HMGCS1: variants seen among roughly 807,000 people sequenced by gnomAD.
The protein encoded by HMGCS1 is hydroxymethylglutaryl-CoA synthase, cytoplasmic.
In HMGCS1, 9 loss-of-function variants were observed where a neutral mutation model predicts 52.3. That is an observed-to-expected ratio of 0.17 (90% CI 0.10 to 0.30). The LOEUF is 0.30. HMGCS1 is among the 10% of genes least tolerant of loss of function. The probability of loss-of-function intolerance (pLI) is 1.00; values close to 1 mark genes in which losing one functional copy is unlikely to be tolerated. For missense variants in HMGCS1, 320 were observed against 620.9 expected (o/e 0.52, Z 5.15); for synonymous variants, 176 against 214.4 (o/e 0.82, Z 1.57).
chr5:43,312,459 C>A (rs1376395276), intron 1 of HMGCS1, among the ~76,000 whole-genome samples: 3 of 152,220 alleles, frequency 2.0e-5, no homozygotes, highest in Non-Finnish European at 2.9e-5. Flanking sequence ...ATCCCTCCTC[C>A]AGAGTGGATC....
At chr5:43,291,264 C>T (rs766193052) in intron 10 of HMGCS1, 44 bp from the exon 11 acceptor site, 2 of 1,182,858 alleles carry the variant, frequency 1.7e-6, no homozygotes, top group Admixed American at 3.4e-5. Context: ...TGATTCTTTC[C>T]CCCACAAGAA....
chr5:43,293,786 TCAC>T (rs1438275234), intron 8 of HMGCS1: 2 of 263,144 alleles, frequency 7.6e-6, no homozygotes, highest in African/African-American at 2.3e-5. Flanking sequence ...TGATCTTGGC[TCAC>T]CACAACCTCC....
chr5:43,294,412 C>T (rs1561111359), intron 7 of HMGCS1: 1 of 515,088 alleles, frequency 1.9e-6, no homozygotes, highest in East Asian at 3.2e-5. Context: ...AAACAAGTTA[C>T]TTCATCAACC....
intron 2 of HMGCS1, among the ~76,000 whole-genome samples, chr5:43,301,657 C>T (rs945236422): frequency 6.6e-6 from 1 of 152,154 alleles, no homozygotes; most frequent in African/African-American, 2.4e-5. Flanking sequence ...CTGTTTTATC[C>T]TCACTAATGC....
At chr5:43,297,263 A>G in intron 4 of HMGCS1, 97 bp from the exon 5 acceptor site, 2 of 983,170 alleles carry the variant, frequency 2.0e-6, no homozygotes, top group African/African-American at 1.6e-5. Flanking sequence ...TTCCTTAACT[A>G]TCTGATCAAT....
chr5:43,306,283 A>G lies in HMGCS1; in HGVS notation c.-11+1483T>C, dbSNP rs117826500. 7.2e-5 allele frequency among the ~76,000 whole-genome samples: 11 copies of G among 152,328 alleles called. No individual in the cohort carries two copies. In the East Asian group the frequency reaches 2.1e-3, roughly 29 times the overall value. Reference sequence around the variant, plus strand: ...AGTTATTCTGAGAATAAATCTGGAAATGAAAGAGAACTGGAAAGGGGAAAA... The same window carrying G: ...AGTTATTCTGAGAATAAATCTGGAAGTGAAAGAGAACTGGAAAGGGGAAAA... On this transcript the variant is annotated intron_variant, in intron 2 of 10. Transcript: ENST00000325110.
intron 1 of HMGCS1, among the ~76,000 whole-genome samples, chr5:43,311,400 C>T (rs1243523617): frequency 1.3e-5 from 2 of 151,830 alleles, no homozygotes; most frequent in East Asian, 3.9e-4. Context: ...TCTATACTAC[C>T]TTCTTGAAAA....
In HMGCS1 at chr5:43,291,264, C is replaced by A. The variant is rs766193052; in HGVS notation, c.1474-44G>T. 1.3e-5 allele frequency: 15 copies of A among 1,182,858 alleles called. No individual in the cohort carries two copies. In the South Asian group the frequency reaches 1.7e-4, roughly 13 times the overall value. The allele number at this position is 1,182,858 out of a possible 1,614,324, so 73.3% of individuals were successfully genotyped here. A position where few individuals can be genotyped will look rare whatever the true frequency, so the allele number is the denominator to read the frequency against. ...AGTTGATGGCTCTTATGATTCTTTCCCCCACAAGAATCATGGCACCAATTA... is the reference window on the plus strand; with the variant it reads ...AGTTGATGGCTCTTATGATTCTTTCACCCACAAGAATCATGGCACCAATTA... On this transcript the variant is annotated intron_variant, in intron 10 of 10. Coordinates refer to ENST00000325110, the MANE Select transcript of HMGCS1 (RefSeq NM_001098272.3).
At position 43,298,515 on chromosome 5, in the gene HMGCS1, T is replaced by C. The variant is rs1267806846; in HGVS notation, c.448+3A>G. The C allele has an allele frequency of 6.2e-7, 1 of 1,608,880 alleles. No homozygotes were observed. Among genetic ancestry groups the C allele is most frequent in the Non-Finnish European group, 8.5e-7 (1 of 1,175,996 alleles). On this transcript the variant is annotated splice_donor_region_variant and intron_variant, in intron 3 of 10. Transcript: ENST00000325110. This position sits in a 1 kb window ranked among gnomAD's most constrained non-coding sequence, Gnocchi z 5.6. ...GACGGCGGGGAATAGGCATGTAACA[T>C]ACCATCCCAAGAGCTGGACTCAATC...
chr5:43,309,843 T>G (rs796606715), intron 1 of HMGCS1, among the ~76,000 whole-genome samples: 1 of 152,152 alleles, frequency 6.6e-6, no homozygotes, highest in East Asian at 1.9e-4. Flanking sequence ...TATAGGCACT[T>G]TGAGTCTGGC....
chr5:43,308,929 T>C (rs1413194447), intron 1 of HMGCS1, among the ~76,000 whole-genome samples: 1 of 152,214 alleles, frequency 6.6e-6, no homozygotes, highest in Non-Finnish European at 1.5e-5. Context: ...ATCTTGAGTT[T>C]TGTAGGCAAA....
chr5:43,309,110 C>T (rs1754725852), intron 1 of HMGCS1, among the ~76,000 whole-genome samples: 2 of 151,846 alleles, frequency 1.3e-5, no homozygotes, highest in African/African-American at 2.4e-5. Flanking sequence ...CATGTTAAGA[C>T]TACTTAAATA....
In HMGCS1 at chr5:43,300,867, A is replaced by G. The variant is rs116187649; in HGVS notation, c.-10-1892T>C. 3.7e-3 allele frequency among the ~76,000 whole-genome samples: 565 copies of G among 152,108 alleles called. 7 individuals are homozygous for G. The highest frequency in any genetic ancestry group is 0.013 in the African/African-American group (550 of 41,502). On this transcript the variant is annotated intron_variant, in intron 2 of 10. Coordinates refer to ENST00000325110, the MANE Select transcript of HMGCS1 (RefSeq NM_001098272.3). ...GTTGTATCTTCCTTCCAAACAGAAG[A>G]ATCTTTTTTTTTTCTCATTCATCCA...
At chr5:43,296,640 T>C (rs1754044200) in intron 5 of HMGCS1, among the ~76,000 whole-genome samples, 1 of 152,222 alleles carries the variant, frequency 6.6e-6, no homozygotes. Context: ...AAGATCACTT[T>C]AGTAATTCAT....
In HMGCS1 at chr5:43,292,630, A is replaced by G; in HGVS notation, c.1317T>C (p.Tyr439=). 1 of 1,611,220 alleles carries G rather than the reference A, an allele frequency of 6.2e-7. No homozygotes were observed. Among genetic ancestry groups the G allele is most frequent in the Admixed American group, 1.7e-5 (1 of 59,932 alleles). The change falls in exon 10 of 11, where the codon TAT becomes TAC. Residue 439 remains tyrosine (Y), a synonymous_variant. Coordinates refer to ENST00000325110, the MANE Select transcript of HMGCS1 (RefSeq NM_001098272.3). ...GTGAATCTATTGAACCCTGGGGAATATAGTTGACTAAAGGAAAGGGAGAGA... is the reference window on the plus strand; with the variant it reads ...GTGAATCTATTGAACCCTGGGGAATGTAGTTGACTAAAGGAAAGGGAGAGA... ...LREDTHHLVN[Y]IPQGSIDSLF...
chr5:43,294,624 T>G, intron 7 of HMGCS1, 67 bp downstream of exon 7: 1 of 1,212,956 alleles, frequency 8.2e-7, no homozygotes, highest in Non-Finnish European at 1.2e-6. Context: ...TGACACTAGA[T>G]TTGGTCTTAG....
chr5:43,303,241 T>C (rs1388147229), intron 2 of HMGCS1, among the ~76,000 whole-genome samples: 1 of 152,258 alleles, frequency 6.6e-6, no homozygotes, highest in Non-Finnish European at 1.5e-5. Flanking sequence ...CAAATTCATA[T>C]GTTGAAGCCT....
At chr5:43,296,432 G>A (rs1754036385) in intron 5 of HMGCS1, among the ~76,000 whole-genome samples, 1 of 152,156 alleles carries the variant, frequency 6.6e-6, no homozygotes, top group Non-Finnish European at 1.5e-5. Context: ...CATTGAATAT[G>A]ATTTTTAACC....
rs1465451072 is a variant in HMGCS1 at position 43,298,954 on chromosome 5, T to C, written c.12A>G (p.Ser4=). 1.2e-6 allele frequency: 2 copies of C among 1,611,802 alleles called. No homozygotes were observed. The highest frequency in any genetic ancestry group is 1.7e-6 in the Non-Finnish European group (2 of 1,178,844). The part of the protein sequence containing the change: MPG[S]LPLNAEACWP... ...AGCAAGCTTCTGCATTCAAAGGAAG[T>C]GATCCAGGCATGGTGAAAGAGCTTT... Residue 4 remains serine, a synonymous_variant, in exon 3 of 11, where the codon TCA becomes TCG. Coordinates refer to ENST00000325110, the MANE Select transcript of HMGCS1 (RefSeq NM_001098272.3). This position sits in a 1 kb window ranked among gnomAD's most constrained non-coding sequence, Gnocchi z 5.6.
Sources: gnomAD v4.1 joint callset for allele counts (sites outside exome capture counted in the v4.1 genomes callset) on GRCh38, gnomAD v4.1.1 for gene constraint, Gnocchi (gnomAD v3.1) non-coding constraint, MANE v1.5 for transcripts, NCBI Gene and HGNC (gene_info 2026-07-23, HGNC 2026-07-21) for gene names.